The following GALNTL6 variants were observed in gnomAD, a reference collection of about 807,000 sequenced individuals.
GALNTL6 encodes the protein polypeptide N-acetylgalactosaminyltransferase-like 6.
A neutral mutation model predicts 73.7 loss-of-function variants in GALNTL6; 46 were observed. The ratio of observed to expected loss-of-function variants is 0.62; its 90% CI spans 0.49 to 0.80. GALNTL6 has a LOEUF of 0.80. Ranked by LOEUF, GALNTL6 falls within the 30% of genes least tolerant of loss-of-function variation. The probability of loss-of-function intolerance (pLI) is 0.00; values close to 1 mark genes in which losing one functional copy is unlikely to be tolerated. For missense variants in GALNTL6, 604 were observed against 755.0 expected (o/e 0.80, Z 2.34); for synonymous variants, 259 against 263.7 (o/e 0.98, Z 0.17).
intron 10 of GALNTL6, among the ~76,000 whole-genome samples, chr4:172,979,024 T>A (rs1750960304): frequency 6.6e-6 from 1 of 152,254 alleles, no homozygotes; most frequent in African/African-American, 2.4e-5. Context: ...TGCAAAGCTC[T>A]TACCTCAATG....
At chr4:172,678,332 C>T (rs143578694) in intron 5 of GALNTL6, among the ~76,000 whole-genome samples, 1,542 of 147,168 alleles carry the variant, frequency 0.01, 16 homozygotes, top group Non-Finnish European at 0.018. Context: ...AAAGAATCTC[C>T]GTTCTTTACT....
At chr4:172,161,360 CT>C (rs1734461287) in intron 2 of GALNTL6, among the ~76,000 whole-genome samples, 2 of 151,908 alleles carry the variant, frequency 1.3e-5, no homozygotes, top group African/African-American at 4.8e-5. Flanking sequence ...ATCTCTGAAA[CT>C]TCAGCATGGT....
At chr4:172,628,769 GC>G in intron 5 of GALNTL6, among the ~76,000 whole-genome samples, 1 of 152,156 alleles carries the variant, frequency 6.6e-6, no homozygotes, top group Admixed American at 6.5e-5. Context: ...GAATGCTAGT[GC>G]TAGAAGACTT....
chr4:171,942,308 G>A (rs915368601), intron 2 of GALNTL6, among the ~76,000 whole-genome samples: 4 of 150,832 alleles, frequency 2.7e-5, no homozygotes, highest in African/African-American at 9.7e-5. Flanking sequence ...AATGAGGGGA[G>A]GAGGTATGCT....
At chr4:172,846,376 A>G (rs1225639867) in intron 7 of GALNTL6, among the ~76,000 whole-genome samples, 1 of 152,166 alleles carries the variant, frequency 6.6e-6, no homozygotes, top group East Asian at 1.9e-4. Flanking sequence ...CTGCTAAACA[A>G]CTGACTTATA....
intron 2 of GALNTL6, among the ~76,000 whole-genome samples, chr4:171,962,237 G>A (rs180924197): frequency 6.6e-6 from 1 of 152,162 alleles, no homozygotes; most frequent in African/African-American, 2.4e-5. Flanking sequence ...TATGTCAGAA[G>A]CATTTGAACA....
At chr4:172,375,635 A>G (rs938748015) in intron 5 of GALNTL6, among the ~76,000 whole-genome samples, 1 of 152,192 alleles carries the variant, frequency 6.6e-6, no homozygotes, top group Non-Finnish European at 1.5e-5. Flanking sequence ...TGATCGGAAT[A>G]GTTGCACTCA....
At chr4:173,039,519 A>G (rs961893921) in intron 12 of GALNTL6, among the ~76,000 whole-genome samples, 2 of 152,132 alleles carry the variant, frequency 1.3e-5, no homozygotes, top group African/African-American at 2.4e-5. Context: ...ACTGCGGACT[A>G]AAATACAATT....
At chr4:171,891,424 C>T (rs1307948673) in intron 2 of GALNTL6, among the ~76,000 whole-genome samples, 1 of 152,042 alleles carries the variant, frequency 6.6e-6, no homozygotes, top group Non-Finnish European at 1.5e-5. Flanking sequence ...CTTAATTAAG[C>T]ATTTTAAAAT....
intron 9 of GALNTL6, among the ~76,000 whole-genome samples, chr4:172,944,046 A>G (rs970124440): frequency 6.6e-6 from 1 of 152,224 alleles, no homozygotes; most frequent in African/African-American, 2.4e-5. Flanking sequence ...CATTTCTAGA[A>G]TACAAAAACA....
At chr4:171,968,921 C>T (rs2034793187) in intron 2 of GALNTL6, among the ~76,000 whole-genome samples, 1 of 151,700 alleles carries the variant, frequency 6.6e-6, no homozygotes, top group South Asian at 2.1e-4. Context: ...ACTGCAACCT[C>T]TGCCTCCCAG....
intron 3 of GALNTL6, among the ~76,000 whole-genome samples, chr4:172,241,163 T>A (rs1258968469): frequency 6.6e-6 from 1 of 152,170 alleles, no homozygotes; most frequent in African/African-American, 2.4e-5. Context: ...GGTGCTTAAG[T>A]GTAATGGCCA....
chr4:172,989,530 G>C (rs1465620375), intron 10 of GALNTL6, among the ~76,000 whole-genome samples: 1 of 152,196 alleles, frequency 6.6e-6, no homozygotes, highest in Non-Finnish European at 1.5e-5. Context: ...GTAATCCCTA[G>C]TGTTGGAGTA....
At chr4:172,111,340 T>C (rs13142431) in intron 2 of GALNTL6, among the ~76,000 whole-genome samples, 6,423 of 152,230 alleles carry the variant, frequency 0.042, 435 homozygotes, top group African/African-American at 0.14. Context: ...ATGTCAATAC[T>C]ACATGATTAA....
chr4:172,951,517 C>T (rs566630125), intron 9 of GALNTL6, among the ~76,000 whole-genome samples: 1 of 152,352 alleles, frequency 6.6e-6, no homozygotes, highest in East Asian at 1.9e-4. Flanking sequence ...ATCTGTGTTG[C>T]ACACATAGAA....
intron 5 of GALNTL6, among the ~76,000 whole-genome samples, chr4:172,438,890 T>A (rs917801613): frequency 1.2e-4 from 18 of 152,030 alleles, no homozygotes; most frequent in Non-Finnish European, 1.8e-4. Context: ...AGACAAGAAT[T>A]TCTGCATGTT....
chr4:172,348,473 A>G (rs765406543), intron 4 of GALNTL6, 50 bp from the exon 5 acceptor site: 13 of 1,421,284 alleles, frequency 9.1e-6, no homozygotes, highest in Non-Finnish European at 1.3e-5. Flanking sequence ...AGAATAAGAT[A>G]TACAAGAGTT....
chr4:172,871,057 A>G (rs1220032714), intron 7 of GALNTL6, among the ~76,000 whole-genome samples: 2 of 152,152 alleles, frequency 1.3e-5, no homozygotes, highest in African/African-American at 2.4e-5. Flanking sequence ...TACAAATGCC[A>G]GAAAAAAATT....
intron 5 of GALNTL6, among the ~76,000 whole-genome samples, chr4:172,519,737 G>A (rs1191386976): frequency 6.6e-6 from 1 of 151,698 alleles, no homozygotes; most frequent in Non-Finnish European, 1.5e-5. Flanking sequence ...TGACTATTCA[G>A]ACATCTTTTC....
Sources: allele counts gnomAD v4.1 joint callset (sites outside exome capture counted in the v4.1 genomes callset), GRCh38; gene constraint gnomAD v4.1.1; transcripts MANE v1.5; gene names NCBI Gene and HGNC (gene_info 2026-07-23, HGNC 2026-07-21).